DMD: variants seen among roughly 807,000 people sequenced by gnomAD.
DMD encodes mutant dystrophin.
In DMD, 63 loss-of-function variants were observed where a neutral mutation model predicts 330.1. The observed-to-expected ratio is 0.19, with a 90% CI of 0.16 to 0.24. DMD has a LOEUF of 0.24. Among genes scored for constraint, DMD ranks in the 10% least tolerant of loss-of-function variants. DMD has a pLI of 1.00. For missense variants in DMD, 3,344 were observed against 2,684.1 expected (o/e 1.25, Z -5.43); for synonymous variants, 1,223 against 959.8 (o/e 1.27, Z -5.07).
intron 18 of DMD, among the ~76,000 whole-genome samples, chrX:32,508,179 T>C (rs2044832816): frequency 9.0e-6 from 1 of 111,041 alleles, no homozygotes; most frequent in Non-Finnish European, 1.9e-5. Flanking sequence ...ACAGCTCAAA[T>C]AAACTGAATA....
intron 2 of DMD, among the ~76,000 whole-genome samples, chrX:33,012,514 A>T (rs749733769): frequency 2.7e-5 from 3 of 111,920 alleles, no homozygotes; most frequent in Non-Finnish European, 5.7e-5. Flanking sequence ...TACTTCACTC[A>T]CCAAAACGCA....
chrX:32,145,380 C>T (rs746628293), intron 44 of DMD, among the ~76,000 whole-genome samples: 6 of 111,848 alleles, frequency 5.4e-5, no homozygotes, highest in Non-Finnish European at 7.5e-5. Context: ...GTGCCTCCAA[C>T]GGATGCTAAA....
At chrX:33,272,315 T>C (rs2148914452) in intron 1 of DMD, among the ~76,000 whole-genome samples, 1 of 111,956 alleles carries the variant, frequency 8.9e-6, no homozygotes, top group East Asian at 2.8e-4. Context: ...TTGGACGATG[T>C]TGAGTTGGTT....
At chrX:32,199,747 G>A (rs781638064) in intron 44 of DMD, among the ~76,000 whole-genome samples, 1 of 108,108 alleles carries the variant, frequency 9.3e-6, no homozygotes, top group South Asian at 4.2e-4. Context: ...CTGAGTAGCT[G>A]GGACTATCAG....
intron 74 of DMD, among the ~76,000 whole-genome samples, chrX:31,148,502 C>T (rs762463109): frequency 8.9e-6 from 1 of 112,403 alleles, no homozygotes; most frequent in African/African-American, 3.2e-5. Context: ...AACAATGATA[C>T]AATGAAATTC....
At chrX:31,154,030 GT>G (rs950486329) in intron 74 of DMD, among the ~76,000 whole-genome samples, 3 of 112,224 alleles carry the variant, frequency 2.7e-5, no homozygotes, top group African/African-American at 9.7e-5. Flanking sequence ...TTTACTAAAT[GT>G]TTTCTAATAA....
intron 1 of DMD, among the ~76,000 whole-genome samples, chrX:33,246,329 G>T (rs892282231): frequency 2.7e-5 from 3 of 111,663 alleles, no homozygotes; most frequent in African/African-American, 9.8e-5. Context: ...AGCATCATCA[G>T]GGTCAACAAG....
chrX:32,423,701 G>T, intron 29 of DMD, among the ~76,000 whole-genome samples: 1 of 110,652 alleles, frequency 9.0e-6, no homozygotes, highest in East Asian at 2.8e-4. Context: ...TACTTACAAA[G>T]AAAAAATCCA....
intron 11 of DMD, among the ~76,000 whole-genome samples, chrX:32,617,900 A>T (rs1255782179): frequency 8.9e-6 from 1 of 111,973 alleles, no homozygotes; most frequent in Non-Finnish European, 1.9e-5. Flanking sequence ...ACCTGATTAA[A>T]AATAGGCAAA....
chrX:31,241,902 T>A (rs1436234176), intron 63 of DMD, among the ~76,000 whole-genome samples: 1 of 111,487 alleles, frequency 9.0e-6, no homozygotes, highest in Non-Finnish European at 1.9e-5. Context: ...TGTAAATTTC[T>A]CACTCTATAA....
At chrX:31,842,802 G>A (rs959723591) in intron 48 of DMD, among the ~76,000 whole-genome samples, 12 of 111,671 alleles carry the variant, frequency 1.1e-4, no homozygotes, top group African/African-American at 3.9e-4. Flanking sequence ...GAGGTTTGGA[G>A]TATGATGGAT....
At chrX:33,027,748 T>C (rs1232257811) in intron 1 of DMD, among the ~76,000 whole-genome samples, 15 of 111,938 alleles carry the variant, frequency 1.3e-4, no homozygotes, top group African/African-American at 4.9e-4. Context: ...TTAAGGAAAC[T>C]ACCTTGAAAA....
chrX:33,269,282 T>C (rs1375618151), intron 1 of DMD, among the ~76,000 whole-genome samples: 2 of 111,367 alleles, frequency 1.8e-5, no homozygotes, highest in African/African-American at 3.3e-5. Flanking sequence ...ATCATGTCCT[T>C]TGCAGCGACA....
chrX:32,074,852 A>G (rs2096330612), intron 44 of DMD, among the ~76,000 whole-genome samples: 1 of 104,529 alleles, frequency 9.6e-6, no homozygotes, highest in Admixed American at 1.1e-4. Flanking sequence ...GGGGAAAAAC[A>G]GCAGCAGCAG....
intron 1 of DMD, among the ~76,000 whole-genome samples, chrX:33,115,163 T>A (rs773606876): frequency 4.5e-5 from 5 of 112,153 alleles, no homozygotes; most frequent in Non-Finnish European, 9.4e-5. Context: ...TTGAATAAAC[T>A]ACTTAATCCT....
chrX:33,135,154 T>C (rs1433037169), intron 1 of DMD, among the ~76,000 whole-genome samples: 1 of 111,924 alleles, frequency 8.9e-6, no homozygotes, highest in Non-Finnish European at 1.9e-5. Context: ...CTAAGCTTGC[T>C]TCTACTGAAA....
At chrX:32,244,204 T>C (rs923100351) in intron 43 of DMD, among the ~76,000 whole-genome samples, 7 of 102,461 alleles carry the variant, frequency 6.8e-5, no homozygotes, top group African/African-American at 1.1e-4. Flanking sequence ...AGTGAGAATA[T>C]GCAGTGTTTG....
At chrX:32,858,752 G>A (rs147778820) in intron 2 of DMD, among the ~76,000 whole-genome samples, 3,075 of 110,321 alleles carry the variant, frequency 0.028, 53 homozygotes, top group Non-Finnish European at 0.039. Context: ...TAGACCTTTC[G>A]GTGCTCAGTT....
chrX:32,775,632 C>A (rs976538305), intron 7 of DMD, among the ~76,000 whole-genome samples: 4 of 113,105 alleles, frequency 3.5e-5, no homozygotes, highest in African/African-American at 1.3e-4. Context: ...AGCTAGGACA[C>A]AGGAAGCCAG....
Sources: allele counts gnomAD v4.1 joint callset (sites outside exome capture counted in the v4.1 genomes callset), GRCh38; gene constraint gnomAD v4.1.1; transcripts MANE v1.5; gene names NCBI Gene and HGNC (gene_info 2026-07-23, HGNC 2026-07-21).